ATP2B1: variants seen among roughly 807,000 people sequenced by gnomAD.
ATP2B1 encodes ATPase plasma membrane Ca2+ transporting 1, also known as plasma membrane calcium-transporting ATPase 1.
A neutral mutation model predicts 124.2 loss-of-function variants in ATP2B1; 14 were observed. That is an observed-to-expected ratio of 0.11 (90% CI 0.07 to 0.18). The LOEUF (loss-of-function observed/expected upper bound fraction) is 0.18, where lower values mean the gene tolerates loss of function less well. ATP2B1 is among the 10% of genes least tolerant of loss of function. ATP2B1 has a pLI of 1.00. For synonymous variants in ATP2B1, 449 were observed against 492.4 expected, an observed-to-expected ratio of 0.91 and a Z score of 1.17; for missense variants, 763 against 1,466.1, an observed-to-expected ratio of 0.52 and a Z score of 7.83.
In ATP2B1 at chr12:89,626,534, T is replaced by C. The variant is rs746732630; in HGVS notation, c.1049A>G (p.Lys350Arg). The C allele has an allele frequency of 6.2e-7, 1 of 1,613,726 alleles. No homozygotes were observed. Among genetic ancestry groups the C allele is most frequent in the East Asian group, 2.2e-5 (1 of 44,880 alleles). ...EGGDGDEKDK[K>R]KANLPKKEKS... ...TTCCTTTTTTGGCAAATTTGCTTTCTTTTTATCTTTTTCATCACCATCTCC... is the reference window on the plus strand; with the variant it reads ...TTCCTTTTTTGGCAAATTTGCTTTCCTTTTATCTTTTTCATCACCATCTCC... Residue 350 changes from lysine to arginine, a missense_variant, in exon 8 of 21, where the codon AAG (lysine) becomes AGG (arginine). By Grantham distance (26) the Lys-to-Arg change is conservative. This residue lies in a region of ATP2B1 where 392 missense variants were observed against 776.6 expected (regional missense o/e 0.50). Transcript: ENST00000428670.
chr12:89,621,935 GA>G, intron 9 of ATP2B1, 144 bp from the exon 10 acceptor site: 2 of 850,004 alleles, frequency 2.4e-6, no homozygotes, highest in Non-Finnish European at 3.2e-6. Context: ...ATGTAATACT[GA>G]AATTTTTTTT....
chr12:89,642,781 C>A (rs945936644), intron 2 of ATP2B1, among the ~76,000 whole-genome samples: 4 of 151,782 alleles, frequency 2.6e-5, no homozygotes, highest in African/African-American at 9.7e-5. Flanking sequence ...ATTTTTGTAT[C>A]TTTAGTAGTG....
At position 89,686,600 on chromosome 12, in the gene ATP2B1, T is replaced by G. The variant is rs1592976555; in HGVS notation, c.-222+21996A>C. On this transcript the variant is annotated intron_variant, in intron 1 of 20. Transcript: ENST00000428670. ...CAGTGAGTATACTCTTAAGAAATACTACTGTAATAAATGAATGTTATGGCC... is the reference window on the plus strand; with the variant it reads ...CAGTGAGTATACTCTTAAGAAATACGACTGTAATAAATGAATGTTATGGCC... 5.3e-5 allele frequency among the ~76,000 whole-genome samples: 8 copies of G among 152,248 alleles called. 2 individuals carry two copies. Among genetic ancestry groups the G allele is most frequent in the Admixed American group, 5.2e-4 (8 of 15,276 alleles).
At chr12:89,637,397 A>G (rs1440006909) in intron 3 of ATP2B1, among the ~76,000 whole-genome samples, 2 of 149,076 alleles carry the variant, frequency 1.3e-5, no homozygotes, top group Non-Finnish European at 3.0e-5. Context: ...TACAAGAAGA[A>G]AGCAAACATT....
intron 11 of ATP2B1, 91 bp from the exon 12 acceptor site, chr12:89,617,130 G>C: frequency 4.3e-6 from 4 of 922,968 alleles, no homozygotes; most frequent in Non-Finnish European, 6.8e-6. Flanking sequence ...GAAATCATGG[G>C]ATCTGATATC....
intron 2 of ATP2B1, among the ~76,000 whole-genome samples, chr12:89,649,567 G>A (rs1450953022): frequency 1.3e-5 from 2 of 152,276 alleles, no homozygotes; most frequent in South Asian, 2.1e-4. Context: ...GCTCATAAAT[G>A]GAAGGAACTC....
Position 89,620,205 on chromosome 12 carries a change from A to G in ATP2B1, c.1623T>C (p.Val541=), listed in dbSNP as rs750169952. 1 of 1,613,992 alleles carries G rather than the reference A, an allele frequency of 6.2e-7. No homozygotes were observed. Among genetic ancestry groups the G allele is most frequent in the South Asian group, 1.1e-5 (1 of 91,072 alleles). The part of the protein sequence containing the change: ...PEKEGGLPRH[V]GNKTECALLG... ...ACAAGGCACATTCAGTTTTATTACC[A>G]ACGTGACGAGGTAATCCACCCTCTT... Residue 541 remains valine, a synonymous_variant, in exon 11 of 21, where the codon GTT becomes GTC. Coordinates refer to ENST00000428670, the MANE Select transcript of ATP2B1 (RefSeq NM_001366521.1).
At position 89,624,168 on chromosome 12, in the gene ATP2B1, C is replaced by A; in HGVS notation, c.1344+15G>T. ...TTTAAACATAACAACGTCTACTGAA[C>A]TATTTTCTACTTACTTTGACTGAAT... On this transcript the variant is annotated intron_variant, in intron 9 of 20. Coordinates refer to ENST00000428670, the MANE Select transcript of ATP2B1 (RefSeq NM_001366521.1). 4 of 1,610,812 alleles carry A rather than the reference C, an allele frequency of 2.5e-6. No individual in the cohort carries two copies. The South Asian group carries it at 4.4e-5, about 18-fold the overall frequency.
At chr12:89,682,674 A>G (rs548187497) in intron 1 of ATP2B1, among the ~76,000 whole-genome samples, 1 of 152,338 alleles carries the variant, frequency 6.6e-6, no homozygotes, top group East Asian at 1.9e-4. Context: ...AGATGAAATT[A>G]GATCAATTTC....
chr12:89,645,059 G>C (rs911401390), intron 2 of ATP2B1, among the ~76,000 whole-genome samples: 3 of 152,146 alleles, frequency 2.0e-5, no homozygotes, highest in Admixed American at 1.3e-4. Context: ...CCTAGGTTCC[G>C]GTTCACCTAC....
intron 11 of ATP2B1, among the ~76,000 whole-genome samples, chr12:89,619,701 TAAC>T (rs887964640): frequency 6.7e-6 from 1 of 150,104 alleles, no homozygotes; most frequent in African/African-American, 2.4e-5. Flanking sequence ...GCATATTAAA[TAAC>T]AAGTAAATCG....
chr12:89,648,002 C>T (rs1319718758), intron 2 of ATP2B1, among the ~76,000 whole-genome samples: 1 of 152,176 alleles, frequency 6.6e-6, no homozygotes, highest in Non-Finnish European at 1.5e-5. Flanking sequence ...TGCCATGCTA[C>T]CTGTATAGCC....
At chr12:89,696,060 G>A (rs1204229197) in intron 1 of ATP2B1, among the ~76,000 whole-genome samples, 1 of 152,206 alleles carries the variant, frequency 6.6e-6, no homozygotes, top group Admixed American at 6.5e-5. Context: ...AGGGCATTGT[G>A]CCAAGGGTGA....
Position 89,603,853 on chromosome 12 carries a change from C to T in ATP2B1, c.2707G>A (p.Ala903Thr), listed in dbSNP as rs1876337734. 1 of 1,613,904 alleles carries T rather than the reference C, an allele frequency of 6.2e-7. No individual in the cohort carries two copies. The highest frequency in any genetic ancestry group is 8.5e-7 in the Non-Finnish European group (1 of 1,180,000). ...IMDTLASLALATEPPTESLLL... is the reference protein window; with the variant it reads ...IMDTLASLALTTEPPTESLLL... ...AGAGACTCAGTGGGTGGTTCCGTTG[C>T]CAGAGCCAGGGAAGCGAGTGTATCC... is the stretch of plus-strand genomic sequence containing the variant. Residue 903 changes from alanine to threonine, a missense_variant, in exon 17 of 21, where the codon GCA (alanine) becomes ACA (threonine). By Grantham distance (58) the Ala-to-Thr change is moderately conservative. Around this residue, in one of 7 missense-constraint regions of ATP2B1, gnomAD observed 51 missense variants for 192.8 expected, o/e 0.26. Coordinates refer to ENST00000428670, the MANE Select transcript of ATP2B1 (RefSeq NM_001366521.1). The surrounding 1 kb of genome is among the most constrained non-coding windows in gnomAD (Gnocchi z 4.3).
chr12:89,598,784 G>C, intron 20 of ATP2B1: 3 of 1,607,726 alleles, frequency 1.9e-6, no homozygotes, highest in Non-Finnish European at 2.6e-6. Flanking sequence ...CTCAGCAAGA[G>C]AGAGAGAGAA....
At chr12:89,646,107 G>A (rs939329) in intron 2 of ATP2B1, among the ~76,000 whole-genome samples, 70,996 of 151,648 alleles carry the variant, frequency 0.47, 18,070 homozygotes, top group Admixed American at 0.61. Flanking sequence ...TTTTGCGAGG[G>A]GGAGGGGTCT....
At chr12:89,628,522 C>G (rs1282524377) in intron 6 of ATP2B1, among the ~76,000 whole-genome samples, 1 of 150,474 alleles carries the variant, frequency 6.6e-6, no homozygotes, top group Non-Finnish European at 1.5e-5. Context: ...AACTAGAATA[C>G]GAATGTATAG....
chr12:89,601,335 G>T lies in ATP2B1; in HGVS notation c.3159C>A (p.Leu1053=). The T allele has an allele frequency of 1.3e-6, 2 of 1,558,148 alleles. No individual in the cohort carries two copies. Among genetic ancestry groups the T allele is most frequent in the Non-Finnish European group, 1.7e-6 (2 of 1,160,626 alleles). ...CTGATGAAATTTTTACCTGGCCCCA[G>T]AGTAATGTTCCCATTCCTAGGAATA... is the stretch of plus-strand genomic sequence containing the variant. ...WSIFLGMGTL[L]WGQLISTIPT... Residue 1053 remains leucine, a synonymous_variant, in exon 19 of 21, where the codon CTC becomes CTA. Coordinates refer to ENST00000428670, the MANE Select transcript of ATP2B1 (RefSeq NM_001366521.1).
intron 9 of ATP2B1, among the ~76,000 whole-genome samples, chr12:89,622,747 A>T (rs1295129799): frequency 6.6e-6 from 1 of 152,204 alleles, no homozygotes; most frequent in Admixed American, 6.5e-5. Context: ...ACACTAACAG[A>T]GAATCCATAA....
Sources: allele counts gnomAD v4.1 joint callset (sites outside exome capture counted in the v4.1 genomes callset), GRCh38; gene constraint gnomAD v4.1.1; regional missense constraint gnomAD v4.1.1; non-coding constraint Gnocchi (gnomAD v3.1); transcripts MANE v1.5; gene names NCBI Gene and HGNC (gene_info 2026-07-23, HGNC 2026-07-21).